LRP12: variants seen among roughly 807,000 people sequenced by gnomAD.
The protein encoded by LRP12 is LDL receptor related protein 12, also known as low-density lipoprotein receptor-related protein 12.
LRP12 carries 14 observed loss-of-function variants against 66.0 expected under a neutral mutation model. The ratio of observed to expected loss-of-function variants is 0.21; its 90% CI spans 0.14 to 0.33. The LOEUF (loss-of-function observed/expected upper bound fraction) is 0.33. LRP12 is among the 10% of genes least tolerant of loss of function. The pLI is 1.00. For missense variants in LRP12, 889 were observed against 1,053.4 expected (o/e 0.84, Z 2.16); for synonymous variants, 357 against 359.1 (o/e 0.99, Z 0.07).
chr8:104,565,860 CAA>C (rs35650042), intron 1 of LRP12, among the ~76,000 whole-genome samples: 9 of 111,822 alleles, frequency 8.0e-5, no homozygotes, highest in Admixed American at 2.1e-4. Flanking sequence ...GACTCCATCT[CAA>C]AAAAAAAAAA....
intron 2 of LRP12, among the ~76,000 whole-genome samples, chr8:104,517,859 A>G (rs1349742783): frequency 6.6e-6 from 1 of 152,166 alleles, no homozygotes; most frequent in East Asian, 1.9e-4. Flanking sequence ...AAAATTTGGT[A>G]AGCAAATGGT....
At chr8:104,539,976 C>T (rs1356532068) in intron 1 of LRP12, among the ~76,000 whole-genome samples, 1 of 152,116 alleles carries the variant, frequency 6.6e-6, no homozygotes, top group East Asian at 1.9e-4. Flanking sequence ...ATAGCGGAGG[C>T]CTCATTTTGC....
rs1254115402 is a variant in LRP12, at chr8:104,490,671, A to T, written c.*2T>A. On this transcript the variant is annotated 3_prime_UTR_variant, in exon 7 of 7. Transcript: ENST00000276654. ...ATACAATCTCCCTTATGTGATTCGT[A>T]CCTAACAAAGTAACAAAGCCTCATC... 6.2e-7 allele frequency: 1 copy of T among 1,606,552 alleles called. No homozygotes were observed. Among genetic ancestry groups the T allele is most frequent in the Non-Finnish European group, 8.5e-7 (1 of 1,176,716 alleles).
chr8:104,574,178 T>A (rs1041148276), intron 1 of LRP12, among the ~76,000 whole-genome samples: 2 of 151,994 alleles, frequency 1.3e-5, no homozygotes, highest in African/African-American at 4.8e-5. Context: ...TTGGAAAATA[T>A]AGTTGTCATC....
At chr8:104,555,749 GTCA>G (rs1266910160) in intron 1 of LRP12, among the ~76,000 whole-genome samples, 1 of 151,988 alleles carries the variant, frequency 6.6e-6, no homozygotes, top group Non-Finnish European at 1.5e-5. Context: ...CACTAGATAG[GTCA>G]TCAAGACAGA....
At chr8:104,513,530 G>T (rs1240528116) in intron 2 of LRP12, among the ~76,000 whole-genome samples, 4 of 152,074 alleles carry the variant, frequency 2.6e-5, no homozygotes, top group Non-Finnish European at 1.5e-5. Context: ...TATCTCCACA[G>T]AAACCATGCT....
rs1357316638 is a variant in LRP12, at chr8:104,548,155, A to AT, written c.80-16193_80-16192insA. ...TATAATTATAATTATATTATATATTAATAATTATTATATATAATATAATAT... is the reference window on the plus strand; with the variant it reads ...TATAATTATAATTATATTATATATTATATAATTATTATATATAATATAATAT... On this transcript the variant is annotated intron_variant, in intron 1 of 6. Coordinates refer to ENST00000276654, the MANE Select transcript of LRP12 (RefSeq NM_013437.5). 2.5e-3 allele frequency among the ~76,000 whole-genome samples: 187 copies of AT among 74,384 alleles called. 1 individual carries two copies. The highest frequency in any genetic ancestry group is 0.011 in the African/African-American group (179 of 15,964). The allele number at this position is 74,384 out of a possible 152,430, so 48.8% of individuals were successfully genotyped here. A position where few individuals can be genotyped will look rare whatever the true frequency, so the allele number is the denominator to read the frequency against.
intron 1 of LRP12, among the ~76,000 whole-genome samples, chr8:104,587,356 G>C (rs970782029): frequency 1.3e-5 from 2 of 152,052 alleles, no homozygotes; most frequent in African/African-American, 2.4e-5. Context: ...TTGATCTCTG[G>C]TGTAGACCCA....
Position 104,588,841 on chromosome 8 carries a change from CA to C in LRP12, c.56del (p.Leu19CysfsTer42). 6.2e-7 allele frequency: 1 copy of C among 1,612,640 alleles called. No homozygotes were observed. Among genetic ancestry groups the C allele is most frequent in the Non-Finnish European group, 8.5e-7 (1 of 1,179,420 alleles). ...ESPRWRSALL[L>X]LFLAGVYGNG... ...TACCGTACACCCCAGCGAGGAAAAG[CA>C]AGAGCAACGCAGACCTCCACCGCGG... On this transcript the variant is annotated frameshift_variant, in exon 1 of 7. Coordinates refer to ENST00000276654, the MANE Select transcript of LRP12 (RefSeq NM_013437.5). LOFTEE classifies it high-confidence loss of function.
chr8:104,564,702 G>A (rs367886043), intron 1 of LRP12, among the ~76,000 whole-genome samples: 17 of 152,062 alleles, frequency 1.1e-4, no homozygotes, highest in African/African-American at 3.9e-4. Context: ...AGGCCGAGGC[G>A]GGCAGATCAC....
chr8:104,547,396 A>T (rs1392273244), intron 1 of LRP12, among the ~76,000 whole-genome samples: 2 of 135,846 alleles, frequency 1.5e-5, no homozygotes, highest in African/African-American at 5.4e-5. Flanking sequence ...TGTATATAAT[A>T]TACAATTCTG....
In LRP12 at chr8:104,495,024, C is replaced by T. The variant is rs199694580; in HGVS notation, c.1713+53G>A. On this transcript the variant is annotated intron_variant, in intron 6 of 6. Coordinates refer to ENST00000276654, the MANE Select transcript of LRP12 (RefSeq NM_013437.5). ...GTCTTTGCTTTATCATATATACAGG[C>T]GCAGATTTCATTTTAAGAGGAAATG... 1.3e-3 allele frequency: 1,940 copies of T among 1,550,750 alleles called. 16 individuals are homozygous for T. The highest frequency in any genetic ancestry group is 0.012 in the South Asian group (1,032 of 84,844).
At chr8:104,548,576 T>A in intron 1 of LRP12, among the ~76,000 whole-genome samples, 4 of 88,074 alleles carry the variant, frequency 4.5e-5, no homozygotes, top group Non-Finnish European at 6.9e-5. Context: ...TATAATTCTA[T>A]ATTATATTTT....
chr8:104,495,287 A>C, intron 5 of LRP12, 78 bp from the exon 6 acceptor site: 1 of 1,377,474 alleles, frequency 7.3e-7, no homozygotes. Context: ...TCAGTAATTA[A>C]AACAATCTGA....
At chr8:104,545,917 GATTAT>G (rs200592492) in intron 1 of LRP12, among the ~76,000 whole-genome samples, 1,639 of 152,176 alleles carry the variant, frequency 0.011, 43 homozygotes, top group Non-Finnish European at 7.8e-3. Context: ...TTAGCTTGTA[GATTAT>G]ATTATAACAC....
At chr8:104,496,673 C>T (rs969040126) in intron 5 of LRP12, among the ~76,000 whole-genome samples, 4 of 152,094 alleles carry the variant, frequency 2.6e-5, no homozygotes, top group African/African-American at 9.7e-5. Flanking sequence ...TAGAAAAATA[C>T]AGGTTAAAAC....
At chr8:104,584,342 C>A (rs1300716332) in intron 1 of LRP12, among the ~76,000 whole-genome samples, 1 of 151,292 alleles carries the variant, frequency 6.6e-6, no homozygotes, top group African/African-American at 2.4e-5. Context: ...TATATTTTTA[C>A]TGAACTTTCA....
intron 1 of LRP12, among the ~76,000 whole-genome samples, chr8:104,559,204 C>CA (rs1442562140): frequency 1.3e-5 from 2 of 152,208 alleles, no homozygotes; most frequent in Non-Finnish European, 1.5e-5. Context: ...GGAACCAGTG[C>CA]AAAGTCCCAT....
chr8:104,543,311 C>T (rs1811506838), intron 1 of LRP12, among the ~76,000 whole-genome samples: 1 of 151,978 alleles, frequency 6.6e-6, no homozygotes, highest in Admixed American at 6.6e-5. Context: ...CACATTTTGG[C>T]AATTCTTGTA....
Sources: allele counts gnomAD v4.1 joint callset (sites outside exome capture counted in the v4.1 genomes callset), GRCh38; gene constraint gnomAD v4.1.1; transcripts MANE v1.5; gene names NCBI Gene and HGNC (gene_info 2026-07-23, HGNC 2026-07-21).